STBD1: variants seen among roughly 807,000 people sequenced by gnomAD.
STBD1 encodes starch binding domain 1, also known as starch-binding domain-containing protein 1.
Under a neutral mutation model 10.5 loss-of-function variants are expected in STBD1, and 13 were observed. The observed-to-expected ratio is 1.24, with a 90% confidence interval of 0.81 to 1.97. The LOEUF (loss-of-function observed/expected upper bound fraction) is 1.97, where lower values mean the gene tolerates loss of function less well. STBD1 is among the 30% of genes most tolerant of loss of function. STBD1 has a pLI of 0.00. For missense variants in STBD1, 427 were observed against 435.6 expected (o/e 0.98, Z 0.17); for synonymous variants, 146 against 160.2 (o/e 0.91, Z 0.67).
intron 1 of STBD1, among the ~76,000 whole-genome samples, chr4:76,308,124 C>G (rs1388804298): frequency 6.6e-6 from 1 of 151,964 alleles, no homozygotes; most frequent in Non-Finnish European, 1.5e-5. Flanking sequence ...CAAAAATTAG[C>G]TGGGCGTGGT....
intron 1 of STBD1, among the ~76,000 whole-genome samples, chr4:76,307,212 C>G (rs1165147323): frequency 6.6e-6 from 1 of 152,166 alleles, no homozygotes; most frequent in Non-Finnish European, 1.5e-5. Flanking sequence ...GCGCCCTTGC[C>G]GAGTCCCTCA....
Position 76,309,238 on chromosome 4 carries a change from G to A in STBD1, c.315G>A (p.Arg105=). The A allele has an allele frequency of 6.2e-7, 1 of 1,614,076 alleles. No homozygotes were observed. The highest frequency in any genetic ancestry group is 1.1e-5 in the South Asian group (1 of 91,040). ...CATGGAGATTGCAGAATCCTTCCAG[G>A]GAAGTCTGTGACAATTCAAGAGAAC... ...AASWRLQNPS[R]EVCDNSREHV... is the part of the protein sequence containing the mutation. Residue 105 remains arginine (R), a synonymous_variant, in exon 2 of 2, where the codon AGG becomes AGA. Transcript: ENST00000237642.
intron 1 of STBD1, among the ~76,000 whole-genome samples, chr4:76,307,571 A>C (rs3796491): frequency 0.62 from 93,577 of 151,950 alleles, 29,220 homozygotes; most frequent in East Asian, 0.78. Context: ...GGCCCTGGGG[A>C]TGTGCCTTGG....
chr4:76,307,882 T>A (rs1235473226), intron 1 of STBD1, among the ~76,000 whole-genome samples: 1 of 152,170 alleles, frequency 6.6e-6, no homozygotes, highest in African/African-American at 2.4e-5. Flanking sequence ...TGCAGCCATA[T>A]GAAAATCTGC....
Position 76,309,359 on chromosome 4 carries a change from C to T in STBD1, c.436C>T (p.Leu146Phe), listed in dbSNP as rs1320234475. 2.5e-6 allele frequency: 4 copies of T among 1,612,758 alleles called. No homozygotes were observed. The highest frequency in any genetic ancestry group is 2.2e-5 in the East Asian group (1 of 44,884). ...CTCTGAAGTTTCAAGAAATGAAAGC[C>T]TTGAATCTCCTATGGGAGAATGGGG... The part of the protein sequence containing the change: ...SYSEVSRNES[L>F]ESPMGEWGFQ... The change falls in exon 2 of 2, where the codon CTT becomes TTT. Residue 146 changes from leucine (L) to phenylalanine (F), a missense_variant. Coordinates refer to ENST00000237642, the MANE Select transcript of STBD1 (RefSeq NM_003943.5).
chr4:76,307,612 T>C (rs3796490), intron 1 of STBD1, among the ~76,000 whole-genome samples: 93,593 of 151,994 alleles, frequency 0.62, 29,224 homozygotes, highest in East Asian at 0.78. Flanking sequence ...GGCAGTCCCC[T>C]CCACGCTGCC....
rs975700202 is a variant in STBD1, at chr4:76,306,784, G to C, written c.15G>C (p.Trp5Cys). Residue 5 changes from tryptophan to cysteine, a missense_variant, in exon 1 of 2, where the codon TGG becomes TGC. Transcript: ENST00000237642. MGAV[W>C]SALLVGGGLA... Reference sequence around the variant, plus strand: ...GCCTCTCAGCCATGGGCGCCGTCTGGTCCGCCCTGCTGGTTGGAGGGGGTC... The same window carrying C: ...GCCTCTCAGCCATGGGCGCCGTCTGCTCCGCCCTGCTGGTTGGAGGGGGTC... The C allele has an allele frequency of 6.2e-7, 1 of 1,612,108 alleles. No individual in the cohort carries two copies. Among genetic ancestry groups the C allele is most frequent in the Non-Finnish European group, 8.5e-7 (1 of 1,179,858 alleles).
chr4:76,309,681 G>C lies in STBD1; in HGVS notation c.758G>C (p.Arg253Thr), dbSNP rs1473477510. 1 of 1,614,218 alleles carries C rather than the reference G, an allele frequency of 6.2e-7. No individual in the cohort carries two copies. The highest frequency in any genetic ancestry group is 8.5e-7 in the Non-Finnish European group (1 of 1,180,040). ...CAGCAAGTGCATGGGAAAATGGAAA[G>C]GGTAGCAGTGATGCCTGCAGGGTCT... Reference protein sequence around the residue: ...RGQQVHGKMERVAVMPAGSQQ... With the variant: ...RGQQVHGKMETVAVMPAGSQQ... Residue 253 changes from arginine to threonine, a missense_variant, in exon 2 of 2, where the codon AGG becomes ACG. Transcript: ENST00000237642.
rs1431756693 is a variant in STBD1, at chr4:76,306,997, T to TC, written c.220+14dup. ...AGCTGGTCACCAAACCAGGTATTCT[T>TC]CCCCCCGTGACTCCAGGGCACATCT... is the stretch of plus-strand genomic sequence containing the variant. On this transcript the variant is annotated intron_variant, in intron 1 of 1. Transcript: ENST00000237642. 8 of 1,573,872 alleles carry TC rather than the reference T, an allele frequency of 5.1e-6. No individual in the cohort carries two copies. Among genetic ancestry groups the TC allele is most frequent in the Non-Finnish European group, 1.7e-6 (2 of 1,160,540 alleles).
rs759385566 is a variant in STBD1, at chr4:76,309,991, G to T, written c.1068G>T (p.Gly356=). ...HEDKVVHAWW[G]IH is the part of the protein sequence containing the mutation. ...ATAAAGTGGTTCACGCATGGTGGGG[G>T]ATTCACTGATTCAGTTTGCAAAGTA... is the stretch of plus-strand genomic sequence containing the variant. Residue 356 remains glycine, a synonymous_variant, in exon 2 of 2, where the codon GGG becomes GGT. Transcript: ENST00000237642. The T allele has an allele frequency of 1.2e-6, 2 of 1,608,058 alleles. No homozygotes were observed. Among genetic ancestry groups the T allele is most frequent in the Non-Finnish European group, 1.7e-6 (2 of 1,177,804 alleles).
In STBD1 at chr4:76,309,843, G is replaced by C; in HGVS notation, c.920G>C (p.Trp307Ser). Residue 307 changes from tryptophan to serine, a missense_variant, in exon 2 of 2, where the codon TGG becomes TCG. By Grantham distance (177) the Trp-to-Ser change is radical. Transcript: ENST00000237642. ...IPLHYNKDGF[W>S]SHSIFLPADT... ...CTCCACTATAACAAGGATGGGTTCT[G>C]GTCTCATTCCATTTTCCTGCCTGCA... 6.2e-7 allele frequency: 1 copy of C among 1,614,196 alleles called. No individual in the cohort carries two copies. The highest frequency in any genetic ancestry group is 8.5e-7 in the Non-Finnish European group (1 of 1,180,036).
Position 76,309,605 on chromosome 4 carries a change from C to A in STBD1, c.682C>A (p.Leu228Ile). The change falls in exon 2 of 2, where the codon CTA (leucine) becomes ATA (isoleucine). Residue 228 changes from leucine to isoleucine, a missense_variant. Physicochemically the swap from Leu to Ile is conservative, Grantham distance 5. Transcript: ENST00000237642. The stretch of plus-strand genomic sequence containing the variant: ...CAGTCTTAAGGCTCCAGTGTTAAAC[C>A]TAAACCAGGGAATGGACAATGGAAG... The part of the protein sequence containing the change: ...GGSLKAPVLN[L>I]NQGMDNGRST... 6.2e-7 allele frequency: 1 copy of A among 1,614,206 alleles called. No homozygotes were observed.
chr4:76,307,538 C>G (rs1428317547), intron 1 of STBD1, among the ~76,000 whole-genome samples: 1 of 152,234 alleles, frequency 6.6e-6, no homozygotes, highest in African/African-American at 2.4e-5. Flanking sequence ...AGGTTGGACT[C>G]TGGCCATGAA....
intron 1 of STBD1, among the ~76,000 whole-genome samples, chr4:76,308,519 C>G (rs986562770): frequency 2.0e-5 from 3 of 152,152 alleles, no homozygotes; most frequent in Non-Finnish European, 2.9e-5. Context: ...GGATACAAAA[C>G]ACCGTTTTGT....
At chr4:76,307,612 T>G (rs3796490) in intron 1 of STBD1, among the ~76,000 whole-genome samples, 17 of 152,064 alleles carry the variant, frequency 1.1e-4, no homozygotes, top group African/African-American at 2.7e-4. Flanking sequence ...GGCAGTCCCC[T>G]CCACGCTGCC....
chr4:76,310,010 C>T lies in STBD1; in HGVS notation c.*10C>T. ...GTGGGGGATTCACTGATTCAGTTTG[C>T]AAAGTAATGGAGAAGCTGTAGAACA... On this transcript the variant is annotated 3_prime_UTR_variant, in exon 2 of 2. Transcript: ENST00000237642. The T allele has an allele frequency of 6.2e-7, 1 of 1,601,888 alleles. No homozygotes were observed. The highest frequency in any genetic ancestry group is 1.1e-5 in the South Asian group (1 of 90,158).
At position 76,310,224 on chromosome 4, in the gene STBD1, C is replaced by T. The variant is rs1718906299; in HGVS notation, c.*224C>T. Reference sequence around the variant, plus strand: ...TATATGCACACACACACAGATAATGCTTCCAGTGAATGTGAACTTCTTTTC... The same window carrying T: ...TATATGCACACACACACAGATAATGTTTCCAGTGAATGTGAACTTCTTTTC... On this transcript the variant is annotated 3_prime_UTR_variant, in exon 2 of 2. Coordinates refer to ENST00000237642, the MANE Select transcript of STBD1 (RefSeq NM_003943.5). 1.8e-6 allele frequency: 1 copy of T among 543,364 alleles called. No homozygotes were observed. The allele number at this position is 543,364 out of a possible 1,614,324, so 33.7% of individuals were successfully genotyped here.
Position 76,306,973 on chromosome 4 carries a change from G to A in STBD1, c.204G>A (p.Glu68=). The A allele has an allele frequency of 6.3e-7, 1 of 1,598,472 alleles. No individual in the cohort carries two copies. Among genetic ancestry groups the A allele is most frequent in the South Asian group, 1.1e-5 (1 of 88,736 alleles). The stretch of plus-strand genomic sequence containing the variant: ...TGAGCCCTGGACCTTCCGGGCAGGA[G>A]CTGGTCACCAAACCAGGTATTCTTC... ...SGLSPGPSGQ[E]LVTKPEHLQE... Residue 68 remains glutamate (E), a synonymous_variant, in exon 1 of 2, where the codon GAG becomes GAA. Coordinates refer to ENST00000237642, the MANE Select transcript of STBD1 (RefSeq NM_003943.5).
chr4:76,309,789 G>A lies in STBD1; in HGVS notation c.866G>A (p.Cys289Tyr), dbSNP rs753599473. ...ATTGCAGTAACTGGAGACCATGAGT[G>A]TCTTGGGAGATGGAACACTTACATC... Reference protein sequence around the residue: ...QFIAVTGDHECLGRWNTYIPL... With the variant: ...QFIAVTGDHEYLGRWNTYIPL... Residue 289 changes from cysteine (C) to tyrosine (Y), a missense_variant, in exon 2 of 2, where the codon TGT becomes TAT. Physicochemically the swap from Cys to Tyr is radical, Grantham distance 194 (BLOSUM62 -2). Transcript: ENST00000237642. 6.2e-7 allele frequency: 1 copy of A among 1,614,222 alleles called. No homozygotes were observed. The highest frequency in any genetic ancestry group is 2.2e-5 in the East Asian group (1 of 44,890).
Sources: allele counts gnomAD v4.1 joint callset (sites outside exome capture counted in the v4.1 genomes callset), GRCh38; gene constraint gnomAD v4.1.1; transcripts MANE v1.5; gene names NCBI Gene and HGNC (gene_info 2026-07-23, HGNC 2026-07-21).